The following LRRC4C variants were observed in gnomAD, a reference collection of about 807,000 sequenced individuals.
The protein encoded by LRRC4C is leucine-rich repeat-containing protein 4C.
LRRC4C carries 5 observed loss-of-function variants against 33.6 expected under a neutral mutation model. That is an observed-to-expected ratio of 0.15 (90% CI 0.08 to 0.31). The LOEUF is 0.31. Ranked by LOEUF, LRRC4C falls within the 10% of genes least tolerant of loss-of-function variation. LRRC4C has a pLI of 1.00. For synonymous variants in LRRC4C, 329 were observed against 302.0 expected, an observed-to-expected ratio of 1.09 and a Z score of -0.93; for missense variants, 560 against 796.7, an observed-to-expected ratio of 0.70 and a Z score of 3.58.
chr11:40,629,350 C>T (rs564669137), intron 3 of LRRC4C, among the ~76,000 whole-genome samples: 82 of 152,026 alleles, frequency 5.4e-4, no homozygotes, highest in Non-Finnish European at 8.2e-4. Flanking sequence ...ATTTACAGAG[C>T]GAGATTCTCA....
At chr11:40,854,842 T>G (rs1953702020) in intron 2 of LRRC4C, among the ~76,000 whole-genome samples, 1 of 151,996 alleles carries the variant, frequency 6.6e-6, no homozygotes, top group East Asian at 1.9e-4. Context: ...TTCAGTTGGC[T>G]GGATATAACT....
chr11:41,396,720 T>C (rs958698442), intron 1 of LRRC4C, among the ~76,000 whole-genome samples: 8 of 151,982 alleles, frequency 5.3e-5, no homozygotes, highest in African/African-American at 1.7e-4. Flanking sequence ...TTAAGACTAG[T>C]TCCTAAAATG....
chr11:41,061,870 G>A (rs950249858), intron 1 of LRRC4C, among the ~76,000 whole-genome samples: 3 of 151,864 alleles, frequency 2.0e-5, no homozygotes, highest in Non-Finnish European at 2.9e-5. Flanking sequence ...GATATGCTGG[G>A]AAATGCAATA....
intron 2 of LRRC4C, among the ~76,000 whole-genome samples, chr11:40,889,113 G>A (rs767482319): frequency 4.6e-5 from 7 of 151,912 alleles, no homozygotes; most frequent in Non-Finnish European, 8.8e-5. Flanking sequence ...TTTAGAATGT[G>A]CCCCAAGATT....
chr11:40,674,430 A>G (rs1944288926), intron 2 of LRRC4C, among the ~76,000 whole-genome samples: 1 of 152,202 alleles, frequency 6.6e-6, no homozygotes, highest in Non-Finnish European at 1.5e-5. Flanking sequence ...CTGAAGAATA[A>G]CATTCAAAAT....
chr11:41,226,401 A>G (rs764885833), intron 1 of LRRC4C, among the ~76,000 whole-genome samples: 1 of 152,138 alleles, frequency 6.6e-6, no homozygotes, highest in Non-Finnish European at 1.5e-5. Context: ...CAGCAACAAC[A>G]AAGATAACCA....
chr11:40,956,892 T>C (rs1958979985), intron 1 of LRRC4C, among the ~76,000 whole-genome samples: 1 of 151,256 alleles, frequency 6.6e-6, no homozygotes, highest in Non-Finnish European at 1.5e-5. Context: ...AAAAGAAGAG[T>C]TTAATTGGAA....
chr11:40,263,536 C>T (rs138131270), intron 4 of LRRC4C, among the ~76,000 whole-genome samples: 2,503 of 150,942 alleles, frequency 0.017, 33 homozygotes, highest in South Asian at 0.024. Flanking sequence ...GTTTTGGGGG[C>T]GGGGGATGGG....
At chr11:41,420,316 A>G (rs1954831441) in intron 1 of LRRC4C, among the ~76,000 whole-genome samples, 1 of 152,000 alleles carries the variant, frequency 6.6e-6, no homozygotes, top group South Asian at 2.1e-4. Context: ...TGAAAAAATA[A>G]TAGATGTTGA....
chr11:40,474,982 G>A (rs935974656), intron 3 of LRRC4C, among the ~76,000 whole-genome samples: 7 of 152,144 alleles, frequency 4.6e-5, no homozygotes, highest in Admixed American at 6.5e-5. Flanking sequence ...GGAGAAACAG[G>A]AACTCTTTTA....
intron 3 of LRRC4C, among the ~76,000 whole-genome samples, chr11:40,458,578 A>T (rs74351653): frequency 6.6e-6 from 1 of 152,092 alleles, no homozygotes; most frequent in African/African-American, 2.4e-5. Context: ...TTCTCTGTTC[A>T]GTTTCTCCTA....
intron 2 of LRRC4C, among the ~76,000 whole-genome samples, chr11:40,727,364 T>A (rs1393065905): frequency 6.6e-6 from 1 of 152,146 alleles, no homozygotes; most frequent in Non-Finnish European, 1.5e-5. Context: ...GCTAGCCATA[T>A]GCAGAAGAAT....
At chr11:40,391,995 T>C (rs1376810425) in intron 3 of LRRC4C, among the ~76,000 whole-genome samples, 1 of 152,000 alleles carries the variant, frequency 6.6e-6, no homozygotes, top group Non-Finnish European at 1.5e-5. Flanking sequence ...TCCAAGAAAA[T>C]ACATGGATAA....
At chr11:41,157,888 TTG>T (rs201597859) in intron 1 of LRRC4C, among the ~76,000 whole-genome samples, 2,363 of 152,280 alleles carry the variant, frequency 0.016, 67 homozygotes, top group African/African-American at 0.054. Context: ...CGTTTATCCA[TTG>T]TGTTACAAAC....
chr11:40,646,420 C>T (rs1027070397), intron 3 of LRRC4C, among the ~76,000 whole-genome samples: 1 of 152,118 alleles, frequency 6.6e-6, no homozygotes, highest in African/African-American at 2.4e-5. Flanking sequence ...GGTTTCAGTT[C>T]CAGCCCACAC....
At chr11:41,177,656 C>T (rs954562420) in intron 1 of LRRC4C, among the ~76,000 whole-genome samples, 2 of 152,244 alleles carry the variant, frequency 1.3e-5, no homozygotes, top group African/African-American at 4.8e-5. Flanking sequence ...GTTGACTCCC[C>T]TGCAATCAGA....
chr11:40,631,019 T>G (rs1963439409), intron 3 of LRRC4C, among the ~76,000 whole-genome samples: 1 of 152,172 alleles, frequency 6.6e-6, no homozygotes, highest in Non-Finnish European at 1.5e-5. Flanking sequence ...AAAATCAAAG[T>G]TAGCCCTTTT....
chr11:41,436,569 A>C (rs1955436306), intron 1 of LRRC4C, among the ~76,000 whole-genome samples: 1 of 152,198 alleles, frequency 6.6e-6, no homozygotes, highest in Non-Finnish European at 1.5e-5. Context: ...AAAACCAGAG[A>C]ACCTTTTATA....
intron 1 of LRRC4C, among the ~76,000 whole-genome samples, chr11:41,027,662 C>A (rs779509680): frequency 1.3e-5 from 2 of 151,550 alleles, no homozygotes; most frequent in Non-Finnish European, 3.0e-5. Context: ...AACTATTTTA[C>A]TAAAATTCAA....
Sources: gnomAD v4.1 joint callset for allele counts (sites outside exome capture counted in the v4.1 genomes callset) on GRCh38, gnomAD v4.1.1 for gene constraint, MANE v1.5 for transcripts, NCBI Gene and HGNC (gene_info 2026-07-23, HGNC 2026-07-21) for gene names.